Variants in TTC1 observed in about 807,000 individuals in gnomAD.
The protein encoded by TTC1 is tetratricopeptide repeat domain 1, also known as tetratricopeptide repeat protein 1.
Under a neutral mutation model 37.6 loss-of-function variants are expected in TTC1, and 31 were observed. The ratio of observed to expected loss-of-function variants is 0.82; its 90% CI spans 0.62 to 1.11. TTC1 has a LOEUF of 1.11. Among genes scored for constraint, TTC1 ranks in the 50% most tolerant of loss-of-function variants. The probability of loss-of-function intolerance (pLI) is 0.00; values close to 1 mark genes in which losing one functional copy is unlikely to be tolerated. For synonymous variants in TTC1, 127 were observed against 122.4 expected (o/e 1.04, Z -0.25); for missense variants, 351 against 339.0 (o/e 1.04, Z -0.28).
At chr5:160,043,060 A>T (rs2113377587) in intron 4 of TTC1, 73 bp from the exon 5 acceptor site, 4 of 1,483,532 alleles carry the variant, frequency 2.7e-6, no homozygotes, top group Non-Finnish European at 3.7e-6. Context: ...TAGTGATCAG[A>T]TCATGTCATT....
intron 6 of TTC1, among the ~76,000 whole-genome samples, 158 bp from the exon 7 acceptor site, chr5:160,050,971 C>T (rs1462447453): frequency 9.9e-6 from 1 of 101,488 alleles, no homozygotes; most frequent in Non-Finnish European, 2.0e-5. Flanking sequence ...AACATAAATA[C>T]TTGGGGTTTT....
At chr5:160,027,156 A>C (rs1450101533) in intron 2 of TTC1, among the ~76,000 whole-genome samples, 3 of 151,618 alleles carry the variant, frequency 2.0e-5, no homozygotes, top group Non-Finnish European at 4.4e-5. Context: ...CAGCCTCCTG[A>C]GTAGCTGGAC....
At chr5:160,032,792 C>T (rs1756935261) in intron 2 of TTC1, among the ~76,000 whole-genome samples, 1 of 148,038 alleles carries the variant, frequency 6.8e-6, no homozygotes, top group Admixed American at 6.8e-5. Flanking sequence ...TGACTCACTC[C>T]AGCCTCCGCC....
intron 5 of TTC1, among the ~76,000 whole-genome samples, chr5:160,043,945 G>A (rs1048641775): frequency 6.6e-6 from 1 of 152,070 alleles, no homozygotes; most frequent in African/African-American, 2.4e-5. Context: ...CAGACATAGG[G>A]TCACTACAGT....
At chr5:160,016,079 TG>T (rs1309245991) in intron 2 of TTC1, among the ~76,000 whole-genome samples, 5 of 152,156 alleles carry the variant, frequency 3.3e-5, no homozygotes, top group African/African-American at 1.2e-4. Context: ...ACAATGCAGT[TG>T]TTAAAGGTAA....
At chr5:160,045,454 C>CCACACACACACACACACACA (rs57919333) in intron 5 of TTC1, among the ~76,000 whole-genome samples, 1 of 38,878 alleles carries the variant, frequency 2.6e-5, no homozygotes, top group Non-Finnish European at 4.8e-5. Flanking sequence ...CCCCCACCCT[C>CCACACACACACACACACACA]CACACACACA....
chr5:160,062,235 C>T (rs917548364), intron 7 of TTC1: 10 of 152,202 alleles, frequency 6.6e-5, no homozygotes, highest in African/African-American at 1.9e-4. Context: ...TTCCTCTCGT[C>T]GGCAGTTTGA....
chr5:160,028,150 T>C (rs1484406348), intron 2 of TTC1, among the ~76,000 whole-genome samples: 1 of 151,946 alleles, frequency 6.6e-6, no homozygotes, highest in Non-Finnish European at 1.5e-5. Flanking sequence ...GTACAAAAAA[T>C]TGGCCTGGTG....
chr5:160,009,202 C>A lies in TTC1; in HGVS notation c.-30+9C>A, dbSNP rs973776765. On this transcript the variant is annotated intron_variant, in intron 1 of 7. Transcript: ENST00000231238. ...GGAGAAGCTGTGAGGTTGTGAGTAA[C>A]CCCGTGGGTCTAAGCGTGTTGGCTG... is the stretch of plus-strand genomic sequence containing the variant. 1 of 152,274 alleles carries A rather than the reference C, an allele frequency of 6.6e-6. No homozygotes were observed. Among genetic ancestry groups the A allele is most frequent in the African/African-American group, 2.4e-5 (1 of 41,444 alleles). 9.4% of individuals were successfully genotyped at this position (152,274 alleles called of 1,614,324 possible).
At chr5:160,055,285 A>C (rs990869683) in intron 7 of TTC1, among the ~76,000 whole-genome samples, 1 of 152,224 alleles carries the variant, frequency 6.6e-6, no homozygotes, top group Non-Finnish European at 1.5e-5. Flanking sequence ...TTGATCTGTC[A>C]TCTCAGCTTA....
intron 5 of TTC1, among the ~76,000 whole-genome samples, chr5:160,049,014 A>G (rs1757332240): frequency 6.6e-6 from 1 of 152,146 alleles, no homozygotes; most frequent in Admixed American, 6.5e-5. Context: ...CCTGTCCTGG[A>G]CTGGGTAAAT....
At position 160,017,735 on chromosome 5, in the gene TTC1, TTTTGC is replaced by T. The variant is rs1756632559; in HGVS notation, c.330+6878_330+6882del. Among the ~76,000 whole-genome samples the T allele has an allele frequency of 3.3e-5, 5 of 152,314 alleles. No homozygotes were observed. The South Asian group carries it at 1.0e-3, about 32-fold the overall frequency. ...GAGGCTTGAGGACCACTGTCACAGG[TTTTGC>T]ACAATCTTCCTTCATTAAATAGCTG... On this transcript the variant is annotated intron_variant, in intron 2 of 7. Transcript: ENST00000231238.
chr5:160,036,197 GTC>G (rs1756995975), intron 3 of TTC1, among the ~76,000 whole-genome samples: 1 of 152,130 alleles, frequency 6.6e-6, no homozygotes, highest in Non-Finnish European at 1.5e-5. Flanking sequence ...TCTATCAAAT[GTC>G]TCTCTTCAAA....
In TTC1 at chr5:160,010,587, T is replaced by C. The variant is rs1170139305; in HGVS notation, c.59T>C (p.Val20Ala). The C allele has an allele frequency of 6.2e-7, 1 of 1,614,076 alleles. No homozygotes were observed. The highest frequency in any genetic ancestry group is 1.1e-5 in the South Asian group (1 of 91,082). The change falls in exon 2 of 8, where the codon GTT (valine) becomes GCT (alanine). Residue 20 changes from valine to alanine, a missense_variant. By Grantham distance (64) the Val-to-Ala change is moderately conservative. Transcript: ENST00000231238. ...GAGGATCTGTTAAATGGTTTGAAGG[T>C]TACAGATACTCAGGAAGCCGAGTGT... The part of the protein sequence containing the change: ...VPEDLLNGLK[V>A]TDTQEAECAG...
At chr5:160,059,098 CAA>C (rs1323410281) in intron 7 of TTC1, among the ~76,000 whole-genome samples, 4 of 152,330 alleles carry the variant, frequency 2.6e-5, no homozygotes, top group South Asian at 2.1e-4. Flanking sequence ...TATCGCCTAA[CAA>C]GAGAGTCAGC....
chr5:160,023,848 C>G, intron 2 of TTC1: 1 of 1,613,300 alleles, frequency 6.2e-7, no homozygotes, highest in Non-Finnish European at 8.5e-7. Context: ...CAGATGACTT[C>G]CAATTCTTTT....
At chr5:160,043,456 A>C (rs369754908) in intron 5 of TTC1, among the ~76,000 whole-genome samples, 4 of 152,144 alleles carry the variant, frequency 2.6e-5, no homozygotes, top group South Asian at 2.1e-4. Flanking sequence ...AGTTAGGCAT[A>C]TGTGGTGGCA....
At chr5:160,039,169 C>G (rs1319850559) in intron 4 of TTC1, 1 of 152,068 alleles carries the variant, frequency 6.6e-6, no homozygotes, top group Non-Finnish European at 1.5e-5. Flanking sequence ...CCCCTGGCCA[C>G]GCTTCACATT....
chr5:160,055,495 G>C (rs1486850106), intron 7 of TTC1, among the ~76,000 whole-genome samples: 1 of 152,198 alleles, frequency 6.6e-6, no homozygotes, highest in Non-Finnish European at 1.5e-5. Context: ...TGCAAAGCAA[G>C]TTAACCTTTT....
Sources: allele counts gnomAD v4.1 joint callset (sites outside exome capture counted in the v4.1 genomes callset), GRCh38; gene constraint gnomAD v4.1.1; transcripts MANE v1.5; gene names NCBI Gene and HGNC (gene_info 2026-07-23, HGNC 2026-07-21).